The following WWC2 variants were observed in gnomAD, a reference collection of about 807,000 sequenced individuals.
WWC2 encodes protein WWC2.
Under a neutral mutation model 138.5 loss-of-function variants are expected in WWC2, and 101 were observed. That is an observed-to-expected ratio of 0.73 (90% CI 0.62 to 0.86). The LOEUF is 0.86. Ranked by LOEUF, WWC2 falls within the 40% of genes least tolerant of loss-of-function variation. The pLI is 0.00. For synonymous variants in WWC2, 558 were observed against 538.4 expected (o/e 1.04, Z -0.50); for missense variants, 1,420 against 1,419.4 (o/e 1.00, Z -0.01).
intron 21 of WWC2, among the ~76,000 whole-genome samples, chr4:183,311,442 A>T (rs147966292): frequency 6.6e-4 from 100 of 152,328 alleles, no homozygotes; most frequent in Middle Eastern, 6.8e-3. Flanking sequence ...CAAAAGAGGC[A>T]CATTAGAAGT....
At chr4:183,158,019 C>T (rs918448325) in intron 1 of WWC2, among the ~76,000 whole-genome samples, 7 of 152,044 alleles carry the variant, frequency 4.6e-5, no homozygotes, top group African/African-American at 2.4e-5. Flanking sequence ...TTTCCTCCAT[C>T]TCACCTTAGT....
intron 8 of WWC2, among the ~76,000 whole-genome samples, chr4:183,251,728 G>C (rs534915018): frequency 5.9e-5 from 9 of 152,212 alleles, no homozygotes; most frequent in Admixed American, 1.3e-4. Flanking sequence ...TTGCATTGGC[G>C]TGCCATTTGG....
intron 6 of WWC2, among the ~76,000 whole-genome samples, chr4:183,247,768 A>G (rs1365654770): frequency 7.1e-6 from 1 of 141,086 alleles, no homozygotes; most frequent in African/African-American, 2.6e-5. Context: ...TATATATAAT[A>G]TATATACTAT....
intron 7 of WWC2, among the ~76,000 whole-genome samples, chr4:183,249,093 C>G (rs779469346): frequency 1.3e-5 from 2 of 152,008 alleles, no homozygotes; most frequent in Non-Finnish European, 2.9e-5. Context: ...CTTTCTCATG[C>G]TATATTCCTT....
Position 183,271,174 on chromosome 4 carries a change from A to T in WWC2, c.2495A>T (p.Lys832Ile). 1 of 1,613,298 alleles carries T rather than the reference A, an allele frequency of 6.2e-7. No homozygotes were observed. Among genetic ancestry groups the T allele is most frequent in the Non-Finnish European group, 8.5e-7 (1 of 1,179,574 alleles). ...CTTCCTTCCAAGCAAATGCCTTGCAAAAAGAATGAAGAAAATGAGGACTCT... is the reference window on the plus strand; with the variant it reads ...CTTCCTTCCAAGCAAATGCCTTGCATAAAGAATGAAGAAAATGAGGACTCT... ...NLLPSKQMPCKKNEENEDSVF... is the reference protein window; with the variant it reads ...NLLPSKQMPCIKNEENEDSVF... Residue 832 changes from lysine to isoleucine, a missense_variant, in exon 16 of 23, where the codon AAA becomes ATA. Transcript: ENST00000403733.
intron 1 of WWC2, among the ~76,000 whole-genome samples, chr4:183,139,970 G>A (rs1297336192): frequency 6.6e-6 from 1 of 152,006 alleles, no homozygotes; most frequent in Non-Finnish European, 1.5e-5. Context: ...ACACCTCGAC[G>A]CCCGGCCAAT....
intron 1 of WWC2, among the ~76,000 whole-genome samples, chr4:183,131,400 A>C (rs750568925): frequency 1.2e-4 from 19 of 152,152 alleles, no homozygotes; most frequent in Non-Finnish European, 1.9e-4. Flanking sequence ...CATCAAAATT[A>C]AATACTTCTG....
intron 1 of WWC2, among the ~76,000 whole-genome samples, chr4:183,191,037 A>T (rs1734975856): frequency 6.6e-6 from 1 of 151,944 alleles, no homozygotes; most frequent in African/African-American, 2.4e-5. Context: ...GACAGCATTG[A>T]TAATGGAGTT....
At chr4:183,294,695 A>G (rs969538075) in intron 21 of WWC2, among the ~76,000 whole-genome samples, 9 of 152,196 alleles carry the variant, frequency 5.9e-5, no homozygotes, top group African/African-American at 2.2e-4. Context: ...TATGTCTAAC[A>G]CTGATTGAAA....
At chr4:183,123,325 ATGAACT>A (rs1732661897) in intron 1 of WWC2, among the ~76,000 whole-genome samples, 1 of 152,184 alleles carries the variant, frequency 6.6e-6, no homozygotes, top group Non-Finnish European at 1.5e-5. Flanking sequence ...GTTAAAATAA[ATGAACT>A]TGAATCTTCC....
In WWC2 at chr4:183,253,959, C is replaced by T. The variant is rs372803726; in HGVS notation, c.1156C>T (p.Leu386=). 3.7e-6 allele frequency: 6 copies of T among 1,613,730 alleles called. No individual in the cohort carries two copies. The African/African-American group carries it at 8.0e-5, about 22-fold the overall frequency. ...AERQRLEEEL[L]SVRGTPSRAL... ...AAGGCAGCGGCTGGAAGAAGAGTTG[C>T]TGTCTGTGAGGGGAACACCAAGCAG... The change falls in exon 9 of 23, where the codon CTG becomes TTG. Residue 386 remains leucine, a synonymous_variant. Coordinates refer to ENST00000403733, the MANE Select transcript of WWC2 (RefSeq NM_024949.6).
At chr4:183,137,029 A>G (rs886820034) in intron 1 of WWC2, among the ~76,000 whole-genome samples, 70 of 152,218 alleles carry the variant, frequency 4.6e-4, no homozygotes, top group African/African-American at 1.7e-3. Context: ...AAACATAGAA[A>G]AAGTACTGTT....
chr4:183,252,611 GT>G (rs1212336077), intron 8 of WWC2, among the ~76,000 whole-genome samples: 1 of 152,210 alleles, frequency 6.6e-6, no homozygotes, highest in East Asian at 1.9e-4. Flanking sequence ...TTCAGCACCT[GT>G]TGTCACTCCA....
At chr4:183,275,561 T>C (rs1186012854) in intron 16 of WWC2, among the ~76,000 whole-genome samples, 1 of 152,186 alleles carries the variant, frequency 6.6e-6, no homozygotes, top group Non-Finnish European at 1.5e-5. Context: ...TCTGTTGAGA[T>C]GGTCATGTGG....
At chr4:183,168,182 T>C (rs67136162) in intron 1 of WWC2, among the ~76,000 whole-genome samples, 1 of 10,644 alleles carries the variant, frequency 9.4e-5, no homozygotes, top group African/African-American at 2.5e-4. Context: ...TTCTTTCTTT[T>C]TTTTTTTTTT....
At chr4:183,171,539 A>G (rs73870355) in intron 1 of WWC2, among the ~76,000 whole-genome samples, 2,455 of 152,318 alleles carry the variant, frequency 0.016, 69 homozygotes, top group African/African-American at 0.056. Context: ...GAAATCAGTA[A>G]ATAAACATGG....
intron 1 of WWC2, among the ~76,000 whole-genome samples, chr4:183,123,490 T>G (rs1732668944): frequency 1.3e-5 from 2 of 152,058 alleles, no homozygotes; most frequent in Non-Finnish European, 2.9e-5. Flanking sequence ...TTTATGGATA[T>G]ATACATAGGT....
chr4:183,173,697 G>T (rs1226925823), intron 1 of WWC2, among the ~76,000 whole-genome samples: 1 of 151,972 alleles, frequency 6.6e-6, no homozygotes, highest in African/African-American at 2.4e-5. Flanking sequence ...AGGCACCCAA[G>T]ATGCAGTGTG....
intron 1 of WWC2, among the ~76,000 whole-genome samples, chr4:183,149,198 A>AGGGT (rs1406775138): frequency 1.3e-5 from 2 of 152,300 alleles, no homozygotes; most frequent in South Asian, 4.2e-4. Flanking sequence ...CCACCCCAGA[A>AGGGT]GCCTTTTACA....
Sources: gnomAD v4.1 joint callset for allele counts (sites outside exome capture counted in the v4.1 genomes callset) on GRCh38, gnomAD v4.1.1 for gene constraint, MANE v1.5 for transcripts, NCBI Gene and HGNC (gene_info 2026-07-23, HGNC 2026-07-21) for gene names.